NKAIN2: variants seen among roughly 807,000 people sequenced by gnomAD.
NKAIN2 encodes the protein sodium/potassium-transporting ATPase subunit beta-1-interacting protein 2.
NKAIN2 carries 14 observed loss-of-function variants against 32.6 expected under a neutral mutation model. That is an observed-to-expected ratio of 0.43 (90% CI 0.28 to 0.67). NKAIN2 has a LOEUF of 0.67. Among genes scored for constraint, NKAIN2 ranks in the 30% least tolerant of loss-of-function variants. NKAIN2 has a pLI of 0.17. For synonymous variants in NKAIN2, 80 were observed against 87.2 expected, an observed-to-expected ratio of 0.92 and a Z score of 0.46; for missense variants, 198 against 258.3, an observed-to-expected ratio of 0.77 and a Z score of 1.60.
intron 3 of NKAIN2, among the ~76,000 whole-genome samples, chr6:124,410,568 C>G (rs1034410476): frequency 7.2e-5 from 11 of 152,020 alleles, no homozygotes; most frequent in Non-Finnish European, 1.5e-4. Context: ...AGACAGTTTG[C>G]TATAATTTCT....
chr6:124,598,747 A>T (rs1782193961), intron 3 of NKAIN2, among the ~76,000 whole-genome samples: 1 of 152,074 alleles, frequency 6.6e-6, no homozygotes, highest in African/African-American at 2.4e-5. Context: ...CCTAAACCAC[A>T]TGACCAACTT....
chr6:124,453,783 G>A (rs936127915), intron 3 of NKAIN2, among the ~76,000 whole-genome samples: 4 of 151,970 alleles, frequency 2.6e-5, no homozygotes, highest in African/African-American at 9.7e-5. Context: ...GTATAGATTT[G>A]CCTCATCCAC....
chr6:124,631,725 G>A (rs1382964521), intron 3 of NKAIN2, among the ~76,000 whole-genome samples: 1 of 152,144 alleles, frequency 6.6e-6, no homozygotes, highest in African/African-American at 2.4e-5. Flanking sequence ...TGATCCCTCA[G>A]ACTTTTGATG....
chr6:124,001,256 C>T (rs1290244889), intron 1 of NKAIN2, among the ~76,000 whole-genome samples: 1 of 151,574 alleles, frequency 6.6e-6, no homozygotes, highest in Non-Finnish European at 1.5e-5. Context: ...AGAAATCAGA[C>T]TATGTACAGA....
At chr6:123,975,574 A>G (rs1236068191) in intron 1 of NKAIN2, among the ~76,000 whole-genome samples, 1 of 152,152 alleles carries the variant, frequency 6.6e-6, no homozygotes, top group East Asian at 1.9e-4. Context: ...GTGGCTTATA[A>G]ACAACAAAAA....
At chr6:124,349,909 A>G (rs890675798) in intron 2 of NKAIN2, among the ~76,000 whole-genome samples, 4 of 152,208 alleles carry the variant, frequency 2.6e-5, no homozygotes, top group Admixed American at 1.3e-4. Context: ...AGTTAAGTTA[A>G]TCTCTCAGAT....
At chr6:124,243,039 A>T (rs1378482752) in intron 1 of NKAIN2, among the ~76,000 whole-genome samples, 5 of 120,788 alleles carry the variant, frequency 4.1e-5, no homozygotes, top group South Asian at 4.8e-4. Context: ...AAGTATAATT[A>T]AAAAAAAAAA....
intron 4 of NKAIN2, among the ~76,000 whole-genome samples, chr6:124,734,108 TCAAAA>T (rs1245698412): frequency 6.8e-6 from 1 of 147,766 alleles, no homozygotes; most frequent in East Asian, 2.0e-4. Flanking sequence ...TGGGGGTATG[TCAAAA>T]CAAAAACAAA....
At chr6:124,095,745 A>G (rs1157338945) in intron 1 of NKAIN2, among the ~76,000 whole-genome samples, 1 of 152,162 alleles carries the variant, frequency 6.6e-6, no homozygotes, top group Non-Finnish European at 1.5e-5. Context: ...TTTTTATGTT[A>G]TCACTTTATA....
intron 2 of NKAIN2, among the ~76,000 whole-genome samples, chr6:124,339,036 A>T (rs1667623864): frequency 1.3e-5 from 2 of 152,266 alleles, no homozygotes; most frequent in Non-Finnish European, 2.9e-5. Flanking sequence ...AAACTGCAGA[A>T]ATTGGCCGGA....
chr6:124,289,658 A>G (rs1013824045), intron 2 of NKAIN2, among the ~76,000 whole-genome samples: 13 of 152,310 alleles, frequency 8.5e-5, no homozygotes, highest in Admixed American at 3.9e-4. Context: ...TTAATTGTCC[A>G]TGGAGCTCAG....
intron 3 of NKAIN2, among the ~76,000 whole-genome samples, chr6:124,571,222 C>T (rs1781115851): frequency 6.6e-6 from 1 of 152,178 alleles, no homozygotes; most frequent in Admixed American, 6.5e-5. Flanking sequence ...TTTGCCTTGT[C>T]TCACATGAGA....
At chr6:124,766,215 T>A (rs1220036390) in intron 4 of NKAIN2, among the ~76,000 whole-genome samples, 1 of 152,224 alleles carries the variant, frequency 6.6e-6, no homozygotes. Context: ...TCTAGACTTA[T>A]AGGAGACTAT....
At chr6:124,541,705 G>A (rs1779918794) in intron 3 of NKAIN2, among the ~76,000 whole-genome samples, 1 of 152,160 alleles carries the variant, frequency 6.6e-6, no homozygotes, top group South Asian at 2.1e-4. Context: ...AATCCCATCT[G>A]TGACACGAAT....
At chr6:123,919,484 A>C (rs6907722) in intron 1 of NKAIN2, among the ~76,000 whole-genome samples, 1 of 151,966 alleles carries the variant, frequency 6.6e-6, no homozygotes, top group Admixed American at 6.6e-5. Context: ...TGAAATTCCA[A>C]AAGTAATTAG....
intron 3 of NKAIN2, among the ~76,000 whole-genome samples, chr6:124,398,252 C>CAAAAAAAAAAAAAAAAAAAAAAAA (rs869039720): frequency 2.8e-4 from 19 of 69,068 alleles, no homozygotes; most frequent in African/African-American, 5.4e-4. Flanking sequence ...GACTGCATCT[C>CAAAAAAAAAAAAAAAAAAAAAAAA]AAAAAAAAAA....
At chr6:123,834,197 C>G (rs981171525) in intron 1 of NKAIN2, among the ~76,000 whole-genome samples, 1 of 152,086 alleles carries the variant, frequency 6.6e-6, no homozygotes, top group Non-Finnish European at 1.5e-5. Flanking sequence ...CTCTGTTGCC[C>G]AGGCTGGCGT....
intron 3 of NKAIN2, among the ~76,000 whole-genome samples, chr6:124,372,198 C>T (rs1353715729): frequency 6.6e-6 from 1 of 152,096 alleles, no homozygotes; most frequent in African/African-American, 2.4e-5. Context: ...AATTTGGTTT[C>T]AGTTTTATAT....
At chr6:124,585,492 G>A (rs1781681320) in intron 3 of NKAIN2, among the ~76,000 whole-genome samples, 1 of 152,128 alleles carries the variant, frequency 6.6e-6, no homozygotes, top group South Asian at 2.1e-4. Context: ...TGAGGTGATG[G>A]ATTTACTCTG....
Sources: gnomAD v4.1 joint callset for allele counts (sites outside exome capture counted in the v4.1 genomes callset) on GRCh38, gnomAD v4.1.1 for gene constraint, MANE v1.5 for transcripts, NCBI Gene and HGNC (gene_info 2026-07-23, HGNC 2026-07-21) for gene names.